CD99L2: variants seen among roughly 807,000 people sequenced by gnomAD.
CD99L2 encodes the protein CD99 molecule like 2.
In CD99L2, 24 loss-of-function variants were observed where a neutral mutation model predicts 27.3. That is an observed-to-expected ratio of 0.88 (90% CI 0.64 to 1.24). The LOEUF is 1.24. Ranked by LOEUF, CD99L2 falls within the 50% of genes most tolerant of loss-of-function variation. The pLI is 0.00. For synonymous variants in CD99L2, 97 were observed against 87.9 expected (o/e 1.10, Z -0.58); for missense variants, 255 against 221.6 (o/e 1.15, Z -0.96).
At chrX:150,797,405 A>C (rs1322770606) in intron 4 of CD99L2, among the ~76,000 whole-genome samples, 1 of 112,247 alleles carries the variant, frequency 8.9e-6, no homozygotes, top group Admixed American at 9.4e-5. Flanking sequence ...GAAGAAATGG[A>C]CCAATTTCTC....
chrX:150,896,346 C>T (rs192217875), intron 1 of CD99L2, among the ~76,000 whole-genome samples: 97 of 111,917 alleles, frequency 8.7e-4, no homozygotes, highest in Non-Finnish European at 1.2e-3. Context: ...TGCGGTGAGC[C>T]GAGATCAGGC....
At chrX:150,820,633 C>G (rs1456382910) in intron 2 of CD99L2, among the ~76,000 whole-genome samples, 1 of 111,725 alleles carries the variant, frequency 9.0e-6, no homozygotes, top group Non-Finnish European at 1.9e-5. Context: ...TCCACTCTTA[C>G]CACTCTTATT....
intron 10 of CD99L2, 117 bp from the exon 11 acceptor site, chrX:150,769,218 G>C: frequency 1.1e-6 from 1 of 872,168 alleles, no homozygotes; most frequent in South Asian, 2.6e-5. Context: ...TCCCCTGGGG[G>C]GCCGCTTAGC....
At chrX:150,774,379 G>A (rs1430969173) in intron 9 of CD99L2, among the ~76,000 whole-genome samples, 1 of 111,299 alleles carries the variant, frequency 9.0e-6, no homozygotes, top group Non-Finnish European at 1.9e-5. Flanking sequence ...CCAGGTCCTT[G>A]CTCCCTCTCC....
At chrX:150,794,293 C>G (rs2045751606) in intron 6 of CD99L2, among the ~76,000 whole-genome samples, 1 of 111,636 alleles carries the variant, frequency 9.0e-6, no homozygotes, top group Admixed American at 9.5e-5. Context: ...TGTCAACAAG[C>G]AATTGAGCTT....
chrX:150,839,024 C>CA lies in CD99L2; in HGVS notation c.68-7732dup, dbSNP rs781844364. Among the ~76,000 whole-genome samples the CA allele has an allele frequency of 5.2e-3, 535 of 103,757 alleles. 7 individuals carry two copies. The highest frequency in any genetic ancestry group is 0.016 in the Middle Eastern group (3 of 192). The allele number at this position is 103,757 out of a possible 115,157, so 90.1% of individuals were successfully genotyped here. On this transcript the variant is annotated intron_variant, in intron 1 of 10. Transcript: ENST00000370377. ...AAAATGTACATTTAAAACAAAATGG[C>CA]AAAAAAATGTAGAGAATGAACAAAT...
At chrX:150,869,786 T>C (rs2047126139) in intron 1 of CD99L2, among the ~76,000 whole-genome samples, 1 of 111,838 alleles carries the variant, frequency 8.9e-6, no homozygotes. Flanking sequence ...TGAGAAGTGT[T>C]CTTTGAAAAT....
At chrX:150,865,965 A>G (rs1294234370) in intron 1 of CD99L2, among the ~76,000 whole-genome samples, 1 of 111,142 alleles carries the variant, frequency 9.0e-6, no homozygotes. Context: ...TACAATAAAT[A>G]CAAAAATTGG....
chrX:150,823,935 T>C (rs1443809419), intron 2 of CD99L2, among the ~76,000 whole-genome samples: 1 of 107,442 alleles, frequency 9.3e-6, no homozygotes, highest in African/African-American at 3.4e-5. Context: ...AGCCTAGGAG[T>C]TCAAGTCTAG....
At chrX:150,886,139 A>T (rs2047405485) in intron 1 of CD99L2, among the ~76,000 whole-genome samples, 1 of 112,397 alleles carries the variant, frequency 8.9e-6, no homozygotes, top group African/African-American at 3.2e-5. Flanking sequence ...AGACTGGCTG[A>T]GACCTGACTT....
intron 1 of CD99L2, among the ~76,000 whole-genome samples, chrX:150,894,751 C>A (rs978929927): frequency 9.1e-5 from 10 of 110,472 alleles, no homozygotes; most frequent in African/African-American, 3.0e-4. Flanking sequence ...CCACGCCTGG[C>A]TAATTTTTGT....
At chrX:150,777,815 C>G (rs922416402) in intron 7 of CD99L2, among the ~76,000 whole-genome samples, 26 of 112,213 alleles carry the variant, frequency 2.3e-4, no homozygotes, top group African/African-American at 8.1e-4. Context: ...AGCGGCCTCA[C>G]CATAAGTGGG....
chrX:150,772,285 GCA>G (rs1569565852), intron 9 of CD99L2, among the ~76,000 whole-genome samples: 1 of 112,611 alleles, frequency 8.9e-6, no homozygotes, highest in Non-Finnish European at 1.9e-5. Context: ...GCTGGGAGTC[GCA>G]CACTCAGAAA....
At chrX:150,862,165 G>C (rs949575840) in intron 1 of CD99L2, among the ~76,000 whole-genome samples, 1 of 111,889 alleles carries the variant, frequency 8.9e-6, no homozygotes, top group Non-Finnish European at 1.9e-5. Context: ...TAAAAGCACT[G>C]TGATATAATA....
chrX:150,870,628 G>A (rs1364230606), intron 1 of CD99L2, among the ~76,000 whole-genome samples: 2 of 110,829 alleles, frequency 1.8e-5, no homozygotes, highest in Admixed American at 9.6e-5. Flanking sequence ...GGTCACAAAG[G>A]ATGTCCTCAT....
Position 150,873,506 on chromosome X carries a change from A to G in CD99L2, c.67+25016T>C, listed in dbSNP as rs966412463. Among the ~76,000 whole-genome samples the G allele has an allele frequency of 2.5e-4, 28 of 112,340 alleles. No homozygotes were observed. The Admixed American group carries it at 2.6e-3, about 10-fold the overall frequency. ...CTGGTGAGAGACGCACAGCCTTGTG[A>G]ACGCACTAAATGCCATTGAATTGCA... On this transcript the variant is annotated intron_variant, in intron 1 of 10. Transcript: ENST00000370377.
chrX:150,889,035 A>C (rs1256699812), intron 1 of CD99L2, among the ~76,000 whole-genome samples: 1 of 112,949 alleles, frequency 8.9e-6, no homozygotes, highest in African/African-American at 3.2e-5. Flanking sequence ...CCTGGGAGAA[A>C]GGGGGCAAGT....
At chrX:150,786,227 TA>T (rs1294484223) in intron 7 of CD99L2, among the ~76,000 whole-genome samples, 16 of 111,014 alleles carry the variant, frequency 1.4e-4, no homozygotes, top group African/African-American at 4.9e-4. Context: ...TTTTTTTTTT[TA>T]AAAAATTTTA....
Position 150,800,217 on chromosome X carries a change from G to T in CD99L2, c.278-4731C>A, listed in dbSNP as rs1234666001. Reference sequence around the variant, plus strand: ...GAAAGTATAGCAGAGGTTACCAGGGGCTAGGAGTAAGGAGAAATGAGGAGT... The same window carrying T: ...GAAAGTATAGCAGAGGTTACCAGGGTCTAGGAGTAAGGAGAAATGAGGAGT... On this transcript the variant is annotated intron_variant, in intron 4 of 10. Coordinates refer to ENST00000370377, the MANE Select transcript of CD99L2 (RefSeq NM_031462.4). Among the ~76,000 whole-genome samples, 3 of 111,469 alleles carry T rather than the reference G, an allele frequency of 2.7e-5. No homozygotes were observed. The East Asian group carries it at 8.4e-4, about 31-fold the overall frequency.
Sources: allele counts gnomAD v4.1 joint callset (sites outside exome capture counted in the v4.1 genomes callset), GRCh38; gene constraint gnomAD v4.1.1; transcripts MANE v1.5; gene names NCBI Gene and HGNC (gene_info 2026-07-23, HGNC 2026-07-21).